EEF1A1: variants seen among roughly 807,000 people sequenced by gnomAD.
EEF1A1 encodes the protein eukaryotic translation elongation factor 1 alpha 1.
EEF1A1 carries 1 observed loss-of-function variant against 38.5 expected under a neutral mutation model. The observed-to-expected ratio is 0.03, with a 90% CI of 0.01 to 0.12. The LOEUF (loss-of-function observed/expected upper bound fraction) is 0.12, where lower values mean the gene tolerates loss of function less well. Among genes scored for constraint, EEF1A1 ranks in the 10% least tolerant of loss-of-function variants. The pLI is 1.00. For synonymous variants in EEF1A1, 229 were observed against 203.7 expected, an observed-to-expected ratio of 1.12 and a Z score of -1.06; for missense variants, 184 against 588.3, an observed-to-expected ratio of 0.31 and a Z score of 7.11.
intron 1 of EEF1A1, 34 bp from the exon 2 acceptor site, chr6:73,520,090 C>T (rs1377802444): frequency 3.2e-5 from 49 of 1,550,562 alleles, no homozygotes; most frequent in Non-Finnish European, 4.0e-5. Flanking sequence ...GAACCACTGT[C>T]TGAGGCTTGA....
At chr6:73,520,188 A>G in intron 1 of EEF1A1, 132 bp from the exon 2 acceptor site, 1 of 798,514 alleles carries the variant, frequency 1.3e-6, no homozygotes, top group East Asian at 2.7e-5. Flanking sequence ...GTCTCCACCC[A>G]CTCAGTGTGG....
intron 3 of EEF1A1, 40 bp downstream of exon 3, chr6:73,519,297 T>C (rs1201471937): frequency 1.2e-6 from 2 of 1,606,722 alleles, no homozygotes; most frequent in Admixed American, 3.4e-5. Flanking sequence ...AAAGCAAGCC[T>C]TTTGGGATAA....
At chr6:73,518,886 T>C (rs201105030) in intron 4 of EEF1A1, 38 bp from the exon 5 acceptor site, 280 of 1,611,124 alleles carry the variant, frequency 1.7e-4, no homozygotes, top group Non-Finnish European at 1.3e-5. Context: ...AAGCATGAAA[T>C]CGCCATTCCC....
rs1765527340 is a variant in EEF1A1 at position 73,516,791 on chromosome 6, T to G, written c.*1019A>C. The G allele has an allele frequency of 1.3e-5, 2 of 152,172 alleles. No individual in the cohort carries two copies. The highest frequency in any genetic ancestry group is 4.8e-5 in the African/African-American group (2 of 41,446). 9.4% of individuals were successfully genotyped at this position (152,172 alleles called of 1,614,324 possible). A position where few individuals can be genotyped will look rare whatever the true frequency, so the allele number is the denominator to read the frequency against. ...AGCATTTTTCAAATGCACAAATGCT[T>G]AAAGATTCAGGAGTAAGTGGGCTAT... On this transcript the variant is annotated 3_prime_UTR_variant, in exon 8 of 8. Coordinates refer to ENST00000309268, the MANE Select transcript of EEF1A1 (RefSeq NM_001402.6).
intron 1 of EEF1A1, 71 bp from the exon 2 acceptor site, chr6:73,520,127 A>T: frequency 7.0e-7 from 1 of 1,431,096 alleles, no homozygotes; most frequent in Middle Eastern, 2.6e-4. Flanking sequence ...AAACTCAAAA[A>T]GGGCAAATTC....
At chr6:73,519,569 A>G in intron 2 of EEF1A1, 53 bp from the exon 3 acceptor site, 1 of 1,523,956 alleles carries the variant, frequency 6.6e-7, no homozygotes, top group African/African-American at 1.4e-5. Flanking sequence ...CTCCAGCTTC[A>G]ATTTCCTTGT....
intron 1 of EEF1A1, 164 bp from the exon 2 acceptor site, chr6:73,520,220 C>T: frequency 1.6e-6 from 1 of 614,964 alleles, no homozygotes; most frequent in Non-Finnish European, 2.7e-6. Flanking sequence ...CGCATAAAAC[C>T]CCTCCCCCCA....
Position 73,515,883 on chromosome 6 carries a change from T to C in EEF1A1, c.*1927A>G, listed in dbSNP as rs1445961967. 1 of 152,246 alleles carries C rather than the reference T, an allele frequency of 6.6e-6. No individual in the cohort carries two copies. The highest frequency in any genetic ancestry group is 2.4e-5 in the African/African-American group (1 of 41,466). 9.4% of individuals were successfully genotyped at this position (152,246 alleles called of 1,614,324 possible). On this transcript the variant is annotated 3_prime_UTR_variant, in exon 8 of 8. Coordinates refer to ENST00000309268, the MANE Select transcript of EEF1A1 (RefSeq NM_001402.6). ...TCAATCTCAGTATATGCAAGTAAAC[T>C]GACTCATTCCTGCTTCCAGTGGGAA... is the stretch of plus-strand genomic sequence containing the variant.
intron 1 of EEF1A1, 159 bp from the exon 2 acceptor site, chr6:73,520,215 A>G (rs186446616): frequency 4.7e-6 from 3 of 632,972 alleles, no homozygotes; most frequent in African/African-American, 1.9e-5. Flanking sequence ...TCCATCGCAT[A>G]AAACCCCTCC....
At chr6:73,519,579 T>TC (rs1228074351) in intron 2 of EEF1A1, 63 bp from the exon 3 acceptor site, 1 of 1,497,984 alleles carries the variant, frequency 6.7e-7, no homozygotes, top group African/African-American at 1.4e-5. Flanking sequence ...AATTTCCTTG[T>TC]CCCCAGCCCT....
chr6:73,516,183 G>A lies in EEF1A1; in HGVS notation c.*1627C>T. The stretch of plus-strand genomic sequence containing the variant: ...TTATCTAATTCAGACTCAGATGAGG[G>A]AAAACGATAACACTTCATTACAGAC... On this transcript the variant is annotated 3_prime_UTR_variant, in exon 8 of 8. Coordinates refer to ENST00000309268, the MANE Select transcript of EEF1A1 (RefSeq NM_001402.6). 6.6e-6 allele frequency: 1 copy of A among 151,906 alleles called. No homozygotes were observed. Among genetic ancestry groups the A allele is most frequent in the East Asian group, 1.9e-4 (1 of 5,190 alleles). The allele number at this position is 151,906 out of a possible 1,614,324, so 9.4% of individuals were successfully genotyped here.
intron 2 of EEF1A1, 45 bp from the exon 3 acceptor site, chr6:73,519,561 C>G: frequency 6.5e-7 from 1 of 1,537,088 alleles, no homozygotes; most frequent in South Asian, 1.2e-5. Flanking sequence ...AACACAAACT[C>G]CAGCTTCAAT....
chr6:73,519,872 A>G lies in EEF1A1; in HGVS notation c.144+11T>C. 1 of 1,612,710 alleles carries G rather than the reference A, an allele frequency of 6.2e-7. No individual in the cohort carries two copies. The highest frequency in any genetic ancestry group is 8.5e-7 in the Non-Finnish European group (1 of 1,179,748). On this transcript the variant is annotated intron_variant, in intron 2 of 7. Transcript: ENST00000309268. ...TTTAGTTGATCTTTCCCTTTCTGGT[A>G]TTAAACATACCTCAGCAGCCTCCTT...
chr6:73,519,466 A>G lies in EEF1A1; in HGVS notation c.195T>C (p.Ala65=), dbSNP rs1765598625. 1.2e-6 allele frequency: 2 copies of G among 1,600,834 alleles called. No homozygotes were observed. The highest frequency in any genetic ancestry group is 1.1e-5 in the South Asian group (1 of 91,062). ...CAATGGTGATACCACGTTCACGCTC[A>G]GCTTTCAGTTTATCCAAGACCCAGG... ...KYAWVLDKLK[A]ERERGITIDI... is the part of the protein sequence containing the mutation. Residue 65 remains alanine, a synonymous_variant, in exon 3 of 8, where the codon GCT becomes GCC. Coordinates refer to ENST00000309268, the MANE Select transcript of EEF1A1 (RefSeq NM_001402.6).
In EEF1A1 at chr6:73,515,869, A is replaced by G. The variant is rs1247906320; in HGVS notation, c.*1941T>C. The G allele has an allele frequency of 6.6e-6, 1 of 152,234 alleles. No homozygotes were observed. Among genetic ancestry groups the G allele is most frequent in the Non-Finnish European group, 1.5e-5 (1 of 68,044 alleles). The allele number at this position is 152,234 out of a possible 1,614,324, so 9.4% of individuals were successfully genotyped here. ...ACAGGAAGTTAATCTCAATCTCAGT[A>G]TATGCAAGTAAACTGACTCATTCCT... On this transcript the variant is annotated 3_prime_UTR_variant, in exon 8 of 8. Transcript: ENST00000309268.
rs1458739330 is a variant in EEF1A1, at chr6:73,518,053, C to T, written c.1241G>A (p.Ser414Asn). The T allele has an allele frequency of 2.5e-6, 4 of 1,587,908 alleles. No homozygotes were observed. The highest frequency in any genetic ancestry group is 3.4e-6 in the Non-Finnish European group (4 of 1,166,294). The change falls in exon 7 of 8, where the codon AGC becomes AAC. Residue 414 changes from serine (S) to asparagine (N), a missense_variant. Physicochemically the swap from Ser to Asn is conservative, Grantham distance 46. Transcript: ENST00000309268. ...MVPGKPMCVESFSDYPPLGRF... is the reference protein window; with the variant it reads ...MVPGKPMCVENFSDYPPLGRF... Reference sequence around the variant, plus strand: ...ACCCAAAGGTGGATAGTCTGAGAAGCTCTCAACACACATGGGCTTGCCAGG... The same window carrying T: ...ACCCAAAGGTGGATAGTCTGAGAAGTTCTCAACACACATGGGCTTGCCAGG...
rs1024058655 is a variant in EEF1A1 at position 73,518,267 on chromosome 6, T to C, written c.1030-3A>G. ...CCTGGATGGTTCAGGATAATCACCTTGGAAAAAAGATTTGCATTCAGTGCA... is the reference window on the plus strand; with the variant it reads ...CCTGGATGGTTCAGGATAATCACCTCGGAAAAAAGATTTGCATTCAGTGCA... On this transcript the variant is annotated splice_region_variant and splice_polypyrimidine_tract_variant and intron_variant, in intron 6 of 7. Transcript: ENST00000309268. 2 of 1,610,606 alleles carry C rather than the reference T, an allele frequency of 1.2e-6. No homozygotes were observed. The highest frequency in any genetic ancestry group is 1.7e-6 in the Non-Finnish European group (2 of 1,177,884).
At position 73,516,935 on chromosome 6, in the gene EEF1A1, C is replaced by A. The variant is rs1765532298; in HGVS notation, c.*875G>T. The A allele has an allele frequency of 6.6e-6, 1 of 152,168 alleles. No individual in the cohort carries two copies. The allele number at this position is 152,168 out of a possible 1,614,324, so 9.4% of individuals were successfully genotyped here. A position where few individuals can be genotyped will look rare whatever the true frequency, so the allele number is the denominator to read the frequency against. On this transcript the variant is annotated 3_prime_UTR_variant, in exon 8 of 8. Coordinates refer to ENST00000309268, the MANE Select transcript of EEF1A1 (RefSeq NM_001402.6). Reference sequence around the variant, plus strand: ...CAGGAGAAAAGCAATGTAGATTAGTCTAATTTTATAGCTACTTCAAATTGC... The same window carrying A: ...CAGGAGAAAAGCAATGTAGATTAGTATAATTTTATAGCTACTTCAAATTGC...
At position 73,520,039 on chromosome 6, in the gene EEF1A1, G is replaced by T; in HGVS notation, c.-13C>A. On this transcript the variant is annotated 5_prime_UTR_variant, in exon 2 of 8. Transcript: ENST00000309268. ...TTTCCTTTCCCATTTTGGCTTTTAGGGGTAGTTTTCACGACACCTGAAATG... is the reference window on the plus strand; with the variant it reads ...TTTCCTTTCCCATTTTGGCTTTTAGTGGTAGTTTTCACGACACCTGAAATG... 1.3e-6 allele frequency: 2 copies of T among 1,587,420 alleles called. No homozygotes were observed. Among genetic ancestry groups the T allele is most frequent in the Non-Finnish European group, 1.7e-6 (2 of 1,176,446 alleles).
Sources: gnomAD v4.1 joint callset for allele counts on GRCh38, gnomAD v4.1.1 for gene constraint, MANE v1.5 for transcripts, NCBI Gene and HGNC (gene_info 2026-07-23, HGNC 2026-07-21) for gene names.